The following ADARB2 variants were observed in gnomAD, a reference collection of about 807,000 sequenced individuals.
ADARB2 encodes the protein inactive double-stranded RNA-specific editase B2.
In ADARB2, 25 loss-of-function variants were observed where a neutral mutation model predicts 62.2. The ratio of observed to expected loss-of-function variants is 0.40; its 90% CI spans 0.29 to 0.56. The LOEUF (loss-of-function observed/expected upper bound fraction) is 0.56. Among genes scored for constraint, ADARB2 ranks in the 20% least tolerant of loss-of-function variants. The pLI, the probability that ADARB2 is intolerant of heterozygous loss-of-function variation, is 0.43. For missense variants in ADARB2, 1,071 were observed against 1,077.4 expected (o/e 0.99, Z 0.08); for synonymous variants, 572 against 500.8 (o/e 1.14, Z -1.90).
chr10:1,611,082 A>G (rs1833564651), intron 1 of ADARB2, among the ~76,000 whole-genome samples: 2 of 152,194 alleles, frequency 1.3e-5, no homozygotes, highest in Admixed American at 1.3e-4. Context: ...GTCTGCAAGT[A>G]GTCCTAAACC....
intron 1 of ADARB2, among the ~76,000 whole-genome samples, chr10:1,707,218 T>C (rs896407538): frequency 2.0e-5 from 3 of 152,240 alleles, no homozygotes; most frequent in Non-Finnish European, 1.5e-5. Context: ...GGCCCCGATC[T>C]GCCCAGGACC....
At chr10:1,705,720 A>T (rs1012935043) in intron 1 of ADARB2, among the ~76,000 whole-genome samples, 2 of 152,236 alleles carry the variant, frequency 1.3e-5, no homozygotes, top group African/African-American at 4.8e-5. Context: ...GTTCTTACAA[A>T]GAAGCGTGTG....
intron 1 of ADARB2, among the ~76,000 whole-genome samples, chr10:1,453,892 T>C (rs1447764456): frequency 6.6e-6 from 1 of 152,192 alleles, no homozygotes; most frequent in East Asian, 1.9e-4. Flanking sequence ...GAATGTAAGA[T>C]GGTGCAGCTG....
chr10:1,408,777 T>G (rs1046471513), intron 1 of ADARB2, among the ~76,000 whole-genome samples: 4 of 152,182 alleles, frequency 2.6e-5, no homozygotes, highest in African/African-American at 9.7e-5. Context: ...CTCTGTGGAC[T>G]GAGAGAGACC....
intron 1 of ADARB2, among the ~76,000 whole-genome samples, chr10:1,678,677 A>C (rs1204721740): frequency 1.3e-5 from 2 of 151,862 alleles, no homozygotes; most frequent in African/African-American, 4.8e-5. Context: ...CCAGGGGCCC[A>C]GTTCTTTTTA....
chr10:1,362,986 C>G (rs1191359231), intron 3 of ADARB2, 42 bp downstream of exon 3: 9 of 1,286,390 alleles, frequency 7.0e-6, no homozygotes, highest in African/African-American at 3.1e-5. Flanking sequence ...CCCCCGCGCC[C>G]CCAGCGCCGC....
chr10:1,584,524 A>G (rs1833149325), intron 1 of ADARB2, among the ~76,000 whole-genome samples: 1 of 152,228 alleles, frequency 6.6e-6, no homozygotes, highest in African/African-American at 2.4e-5. Context: ...TGTGGATGAC[A>G]GTTCCATGGT....
At chr10:1,628,063 C>T (rs909474010) in intron 1 of ADARB2, among the ~76,000 whole-genome samples, 5 of 152,246 alleles carry the variant, frequency 3.3e-5, no homozygotes, top group African/African-American at 1.2e-4. Flanking sequence ...GAGCTCTGCC[C>T]TTGTCCACGC....
At chr10:1,658,865 C>A (rs1834206664) in intron 1 of ADARB2, among the ~76,000 whole-genome samples, 1 of 152,208 alleles carries the variant, frequency 6.6e-6, no homozygotes, top group African/African-American at 2.4e-5. Context: ...GTATTGTTAT[C>A]CTGCAAAATC....
At chr10:1,561,245 C>A (rs567527082) in intron 1 of ADARB2, among the ~76,000 whole-genome samples, 1 of 152,288 alleles carries the variant, frequency 6.6e-6, no homozygotes, top group East Asian at 1.9e-4. Context: ...CAGACCTGCC[C>A]AGCTCTGAGT....
chr10:1,575,353 T>C (rs576517337), intron 1 of ADARB2, among the ~76,000 whole-genome samples: 1 of 151,938 alleles, frequency 6.6e-6, no homozygotes, highest in South Asian at 2.1e-4. Flanking sequence ...TTCTGTAGTC[T>C]CAGTGCTGAT....
chr10:1,368,778 C>T (rs1832336072), intron 2 of ADARB2, among the ~76,000 whole-genome samples: 1 of 151,906 alleles, frequency 6.6e-6, no homozygotes, highest in Non-Finnish European at 1.5e-5. Flanking sequence ...CCTCTTTGGT[C>T]CCTCAGGCCC....
intron 1 of ADARB2, among the ~76,000 whole-genome samples, chr10:1,453,923 A>T (rs1039905431): frequency 6.6e-6 from 1 of 152,196 alleles, no homozygotes; most frequent in Non-Finnish European, 1.5e-5. Flanking sequence ...TGGTGTGGCT[A>T]TTTTCAGAAA....
intron 2 of ADARB2, among the ~76,000 whole-genome samples, chr10:1,368,098 G>T (rs1415275189): frequency 6.6e-6 from 1 of 152,164 alleles, no homozygotes; most frequent in South Asian, 2.1e-4. Context: ...CCAGCACAGA[G>T]GCCACAGCCC....
intron 3 of ADARB2, among the ~76,000 whole-genome samples, chr10:1,347,612 T>C (rs1479952217): frequency 6.6e-6 from 1 of 152,090 alleles, no homozygotes; most frequent in African/African-American, 2.4e-5. Flanking sequence ...CCAGGAGGCC[T>C]CAGCCCTCAC....
intron 1 of ADARB2, among the ~76,000 whole-genome samples, chr10:1,413,423 A>T (rs980853811): frequency 1.3e-5 from 2 of 152,192 alleles, no homozygotes; most frequent in Non-Finnish European, 2.9e-5. Flanking sequence ...TCGGTCTTGA[A>T]TTCACACAAA....
chr10:1,368,543 C>T (rs1021699377), intron 2 of ADARB2, among the ~76,000 whole-genome samples: 6 of 152,214 alleles, frequency 3.9e-5, no homozygotes, highest in African/African-American at 1.2e-4. Flanking sequence ...CTGCGAGTCG[C>T]GAGCTGTGGC....
At chr10:1,500,204 C>T (rs1177980553) in intron 1 of ADARB2, among the ~76,000 whole-genome samples, 1 of 152,226 alleles carries the variant, frequency 6.6e-6, no homozygotes, top group Non-Finnish European at 1.5e-5. Flanking sequence ...GCCCTGTTCC[C>T]ATCATCCCAC....
In ADARB2 at chr10:1,263,125, C is replaced by G. The variant is rs1442148751; in HGVS notation, c.1192+7830G>C. 2.6e-4 allele frequency among the ~76,000 whole-genome samples: 28 copies of G among 106,236 alleles called. 1 individual carries two copies. In the Admixed American group the frequency reaches 4.1e-3, roughly 16 times the overall value. 69.7% of individuals were successfully genotyped at this position (106,236 alleles called of 152,430 possible). On this transcript the variant is annotated intron_variant, in intron 4 of 9. Coordinates refer to ENST00000381312, the MANE Select transcript of ADARB2 (RefSeq NM_018702.4). ...GAAGGGGAACATCACACACCGGGGCCTGTTGTGGGGTGGGGGGAGGGGGGA... is the reference window on the plus strand; with the variant it reads ...GAAGGGGAACATCACACACCGGGGCGTGTTGTGGGGTGGGGGGAGGGGGGA...
Sources: gnomAD v4.1 joint callset for allele counts (sites outside exome capture counted in the v4.1 genomes callset) on GRCh38, gnomAD v4.1.1 for gene constraint, MANE v1.5 for transcripts, NCBI Gene and HGNC (gene_info 2026-07-23, HGNC 2026-07-21) for gene names.